Variants in NCKAP5 observed in about 807,000 individuals in gnomAD.
NCKAP5 encodes the protein nck-associated protein 5.
In NCKAP5, 92 loss-of-function variants were observed where a neutral mutation model predicts 167.0. The observed-to-expected ratio is 0.55, with a 90% confidence interval of 0.47 to 0.66. The LOEUF (loss-of-function observed/expected upper bound fraction) is 0.66, where lower values mean the gene tolerates loss of function less well. Ranked by LOEUF, NCKAP5 falls within the 30% of genes least tolerant of loss-of-function variation. The pLI, the probability that NCKAP5 is intolerant of heterozygous loss-of-function variation, is 0.00. For missense variants in NCKAP5, 2,378 were observed against 2,315.0 expected, an observed-to-expected ratio of 1.03 and a Z score of -0.56; for synonymous variants, 891 against 877.4, an observed-to-expected ratio of 1.02 and a Z score of -0.27.
chr2:132,874,533 T>A (rs1295573653), intron 9 of NCKAP5, among the ~76,000 whole-genome samples: 1 of 152,164 alleles, frequency 6.6e-6, no homozygotes, highest in Non-Finnish European at 1.5e-5. Flanking sequence ...TGAGAAATAG[T>A]CTCAGCAACC....
At chr2:132,681,086 C>T (rs1685163856) in intron 19 of NCKAP5, among the ~76,000 whole-genome samples, 1 of 152,006 alleles carries the variant, frequency 6.6e-6, no homozygotes, top group East Asian at 1.9e-4. Context: ...CCTGTGTAAA[C>T]AGCTTAACTA....
At chr2:133,665,736 G>A in the NCKAP5 span, among the ~76,000 whole-genome samples, 8 of 152,292 alleles carry the variant, frequency 5.3e-5, no homozygotes, top group South Asian at 4.1e-4. Context: ...CGCGACGTGC[G>A]ATAAAGCAAA....
intron 8 of NCKAP5, among the ~76,000 whole-genome samples, chr2:132,896,059 C>T (rs531182202): frequency 3.3e-5 from 5 of 152,248 alleles, no homozygotes; most frequent in African/African-American, 1.2e-4. Context: ...CGCTTGAACC[C>T]AGGAGGTGGA....
intron 3 of NCKAP5, among the ~76,000 whole-genome samples, chr2:133,464,148 C>T (rs1692382508): frequency 6.6e-6 from 1 of 152,134 alleles, no homozygotes; most frequent in Admixed American, 6.5e-5. Flanking sequence ...CTCTGGGCTT[C>T]TGGGAATATC....
chr2:133,444,605 G>A (rs1474722030), intron 3 of NCKAP5, among the ~76,000 whole-genome samples: 2 of 152,160 alleles, frequency 1.3e-5, no homozygotes, highest in South Asian at 2.1e-4. Context: ...ACAAATGTGA[G>A]ACACCCATCT....
At chr2:133,652,851 T>C in the NCKAP5 span, among the ~76,000 whole-genome samples, 3 of 152,238 alleles carry the variant, frequency 2.0e-5, no homozygotes, top group Non-Finnish European at 4.4e-5. Context: ...ATTCTCTCTG[T>C]GTCATTTGTC....
intron 5 of NCKAP5, among the ~76,000 whole-genome samples, chr2:133,183,492 T>G (rs191816792): frequency 6.6e-5 from 10 of 152,204 alleles, no homozygotes; most frequent in Admixed American, 1.3e-4. Context: ...TCAATTGATG[T>G]GGGAAAAAGC....
chr2:133,638,946 G>T, the NCKAP5 span, among the ~76,000 whole-genome samples: 1 of 151,596 alleles, frequency 6.6e-6, no homozygotes, highest in Non-Finnish European at 1.5e-5. Flanking sequence ...ATGTGTAATT[G>T]TTGCAAGAAT....
intron 5 of NCKAP5, among the ~76,000 whole-genome samples, chr2:133,205,196 G>A (rs1335996568): frequency 1.3e-5 from 2 of 152,104 alleles, no homozygotes; most frequent in African/African-American, 2.4e-5. Flanking sequence ...GGGAGGCTGA[G>A]GCAGGTGGGT....
chr2:133,336,835 C>A, intron 3 of NCKAP5, among the ~76,000 whole-genome samples: 1 of 152,126 alleles, frequency 6.6e-6, no homozygotes, highest in East Asian at 1.9e-4. Context: ...ATTTCATCTC[C>A]AAAAGTGACA....
At chr2:132,698,742 G>A (rs1330976682) in intron 19 of NCKAP5, among the ~76,000 whole-genome samples, 1 of 152,112 alleles carries the variant, frequency 6.6e-6, no homozygotes, top group Non-Finnish European at 1.5e-5. Context: ...GCTGAGGCAG[G>A]AGAATCACTT....
intron 11 of NCKAP5, among the ~76,000 whole-genome samples, chr2:132,799,837 C>T (rs928335664): frequency 2.0e-5 from 3 of 151,850 alleles, no homozygotes; most frequent in Non-Finnish European, 4.4e-5. Context: ...TGTTTTGATA[C>T]AGGTATACAA....
intron 16 of NCKAP5, among the ~76,000 whole-genome samples, chr2:132,745,509 G>T (rs1308304270): frequency 1.3e-5 from 2 of 151,716 alleles, no homozygotes; most frequent in Non-Finnish European, 3.0e-5. Context: ...GAAAAAAATA[G>T]ACTGAATGTT....
the NCKAP5 span, among the ~76,000 whole-genome samples, chr2:133,603,526 G>A: frequency 3.1e-3 from 472 of 150,906 alleles, 3 homozygotes; most frequent in African/African-American, 0.011. Flanking sequence ...TGCCCAGCCC[G>A]GCATCAGGGA....
chr2:133,507,449 C>G (rs1454040538), intron 3 of NCKAP5, among the ~76,000 whole-genome samples: 1 of 152,188 alleles, frequency 6.6e-6, no homozygotes. Context: ...AGAAGGCAAG[C>G]AAACCTCAGG....
At chr2:132,753,805 T>C (rs908443011) in intron 16 of NCKAP5, among the ~76,000 whole-genome samples, 2 of 152,348 alleles carry the variant, frequency 1.3e-5, no homozygotes, top group South Asian at 2.1e-4. Flanking sequence ...TTGGGTGGCA[T>C]GCAGGGCACT....
rs957532235 is a variant in NCKAP5, at chr2:132,908,436, G to A, written c.580-29520C>T. On this transcript the variant is annotated intron_variant, in intron 8 of 19. Transcript: ENST00000409261. ...TAGGATGTGGTCTGAATGGGGTAGA[G>A]TGTGGCAGGACTAACTGTGGTCTTC... Among the ~76,000 whole-genome samples, 10 of 152,280 alleles carry A rather than the reference G, an allele frequency of 6.6e-5. No individual in the cohort carries two copies. The East Asian group carries it at 1.9e-3, about 29-fold the overall frequency.
chr2:132,775,251 G>T (rs1344586623), intron 15 of NCKAP5, among the ~76,000 whole-genome samples: 1 of 152,172 alleles, frequency 6.6e-6, no homozygotes, highest in African/African-American at 2.4e-5. Context: ...GCTGGATTTA[G>T]CTTTCTACTT....
chr2:132,734,105 C>T (rs1391197284), intron 16 of NCKAP5, among the ~76,000 whole-genome samples: 2 of 152,192 alleles, frequency 1.3e-5, no homozygotes, highest in Non-Finnish European at 2.9e-5. Flanking sequence ...TCAGGGCCCC[C>T]ACCTGGCCAG....
Sources: gnomAD v4.1 joint callset for allele counts (sites outside exome capture counted in the v4.1 genomes callset) on GRCh38, gnomAD v4.1.1 for gene constraint, MANE v1.5 for transcripts, NCBI Gene and HGNC (gene_info 2026-07-23, HGNC 2026-07-21) for gene names.